Variants in RERG observed in about 807,000 individuals in gnomAD.
The protein encoded by RERG is ras-related and estrogen-regulated growth inhibitor.
RERG carries 25 observed loss-of-function variants against 23.2 expected under a neutral mutation model. That is an observed-to-expected ratio of 1.08 (90% CI 0.79 to 1.50). The LOEUF is 1.50. Ranked by LOEUF, RERG falls within the 40% of genes most tolerant of loss-of-function variation. The pLI is 0.00. For missense variants in RERG, 253 were observed against 250.1 expected (o/e 1.01, Z -0.08); for synonymous variants, 81 against 89.1 (o/e 0.91, Z 0.51).
chr12:15,204,614 T>C (rs1322925958), intron 2 of RERG, among the ~76,000 whole-genome samples: 1 of 151,788 alleles, frequency 6.6e-6, no homozygotes, highest in African/African-American at 2.4e-5. Context: ...CTTCTTACCA[T>C]AAAAATCCCA....
At chr12:15,132,975 C>A (rs934422896) in intron 2 of RERG, among the ~76,000 whole-genome samples, 2 of 148,860 alleles carry the variant, frequency 1.3e-5, no homozygotes, top group Admixed American at 1.3e-4. Context: ...CCTGCCCTCC[C>A]TGCCCCCGCC....
chr12:15,192,314 C>T (rs990885681), intron 2 of RERG, among the ~76,000 whole-genome samples: 11 of 152,086 alleles, frequency 7.2e-5, no homozygotes, highest in African/African-American at 2.4e-4. Context: ...GGTGCTGCTA[C>T]GATTCTTGTA....
chr12:15,209,683 T>C (rs1266295323), intron 2 of RERG, among the ~76,000 whole-genome samples: 1 of 152,236 alleles, frequency 6.6e-6, no homozygotes, highest in Non-Finnish European at 1.5e-5. Flanking sequence ...TGTGAATTTC[T>C]TATAAAAACA....
At chr12:15,125,553 T>C (rs1863922973) in intron 2 of RERG, among the ~76,000 whole-genome samples, 1 of 151,996 alleles carries the variant, frequency 6.6e-6, no homozygotes, top group Admixed American at 6.5e-5. Flanking sequence ...GGCAATGACA[T>C]ACATTACCAA....
intron 2 of RERG, among the ~76,000 whole-genome samples, chr12:15,197,851 C>T (rs537428722): frequency 3.3e-5 from 5 of 152,206 alleles, no homozygotes; most frequent in East Asian, 3.9e-4. Flanking sequence ...AGAAAAAGGA[C>T]GGGCTGGGCC....
intron 3 of RERG, among the ~76,000 whole-genome samples, chr12:15,111,822 C>T (rs1475893726): frequency 6.6e-6 from 1 of 151,726 alleles, no homozygotes; most frequent in Non-Finnish European, 1.5e-5. Flanking sequence ...ATTACAGGTG[C>T]CTTCCACAAC....
chr12:15,177,839 G>GTTT (rs11304470), intron 2 of RERG, among the ~76,000 whole-genome samples: 11,404 of 112,616 alleles, frequency 0.1, 538 homozygotes, highest in South Asian at 0.16. Flanking sequence ...CCCTCTGTTT[G>GTTT]TTTTTTTTTT....
intron 2 of RERG, among the ~76,000 whole-genome samples, chr12:15,158,184 C>A (rs1181836674): frequency 6.6e-6 from 1 of 152,104 alleles, no homozygotes; most frequent in Non-Finnish European, 1.5e-5. Flanking sequence ...TAGTTACTTT[C>A]CTCTCCTTGG....
At chr12:15,217,969 T>C (rs1241813065) in intron 1 of RERG, 1 of 154,126 alleles carries the variant, frequency 6.5e-6, no homozygotes, top group Non-Finnish European at 1.4e-5. Context: ...ACACATGCAG[T>C]GGGGCAATGG....
At chr12:15,162,097 G>C (rs972608799) in intron 2 of RERG, among the ~76,000 whole-genome samples, 1 of 152,150 alleles carries the variant, frequency 6.6e-6, no homozygotes, top group Non-Finnish European at 1.5e-5. Flanking sequence ...TGAAAAATGA[G>C]ACTACTGCCT....
chr12:15,219,794 T>C (rs1237466653), intron 1 of RERG, among the ~76,000 whole-genome samples: 1 of 152,190 alleles, frequency 6.6e-6, no homozygotes, highest in African/African-American at 2.4e-5. Context: ...AGTAATTATC[T>C]GTCTGATTAA....
chr12:15,198,838 C>A (rs1591667466), intron 2 of RERG, among the ~76,000 whole-genome samples: 1 of 152,194 alleles, frequency 6.6e-6, no homozygotes, highest in Admixed American at 6.5e-5. Flanking sequence ...CGACTTCAGC[C>A]TCTGACCTCA....
chr12:15,135,504 C>A (rs913422503), intron 2 of RERG, among the ~76,000 whole-genome samples: 1 of 152,148 alleles, frequency 6.6e-6, no homozygotes, highest in African/African-American at 2.4e-5. Context: ...AAAGCACTTG[C>A]TTTCTCACCA....
At position 15,109,174 on chromosome 12, in the gene RERG, C is replaced by T. The variant is rs746482571; in HGVS notation, c.536G>A (p.Arg179Gln). The T allele has an allele frequency of 3.4e-5, 54 of 1,610,534 alleles. No individual in the cohort carries two copies. Among genetic ancestry groups the T allele is most frequent in the Non-Finnish European group, 4.4e-5 (52 of 1,178,696 alleles). ...CTTGACATGCGTGGTGGAGCTGCGT[C>T]GCCTCGTCTTGCCCTGCACCATCCT... Reference protein sequence around the residue: ...RRRMVQGKTRRRSSTTHVKQA... With the variant: ...RRRMVQGKTRQRSSTTHVKQA... The change falls in exon 5 of 5, where the codon CGA becomes CAA. Residue 179 changes from arginine (R) to glutamine (Q), a missense_variant. Arg to Gln is a conservative substitution (Grantham distance 43). Transcript: ENST00000256953.
chr12:15,108,008 A>G lies in RERG; in HGVS notation c.*1102T>C, dbSNP rs1360112948. Reference sequence around the variant, plus strand: ...TAGGGGCATAATGGGGGAGAAAAGAATCATAAGGTTTTATCAGTTGTAGAC... The same window carrying G: ...TAGGGGCATAATGGGGGAGAAAAGAGTCATAAGGTTTTATCAGTTGTAGAC... On this transcript the variant is annotated 3_prime_UTR_variant, in exon 5 of 5. Coordinates refer to ENST00000256953, the MANE Select transcript of RERG (RefSeq NM_032918.3). The G allele has an allele frequency of 6.6e-6, 1 of 152,650 alleles. No homozygotes were observed. The highest frequency in any genetic ancestry group is 1.5e-5 in the Non-Finnish European group (1 of 68,016). 9.5% of individuals were successfully genotyped at this position (152,650 alleles called of 1,614,324 possible).
intron 2 of RERG, among the ~76,000 whole-genome samples, chr12:15,184,907 T>C (rs1239304344): frequency 6.6e-6 from 1 of 152,158 alleles, no homozygotes; most frequent in Non-Finnish European, 1.5e-5. Context: ...TCTATTTTCC[T>C]GTAATTTTAT....
At chr12:15,220,362 T>C (rs897734512) in intron 1 of RERG, among the ~76,000 whole-genome samples, 1 of 152,034 alleles carries the variant, frequency 6.6e-6, no homozygotes, top group Non-Finnish European at 1.5e-5. Flanking sequence ...TCCCTAAACA[T>C]AAATTAAAGG....
intron 2 of RERG, among the ~76,000 whole-genome samples, chr12:15,190,878 T>C (rs140092986): frequency 9.2e-5 from 14 of 152,256 alleles, no homozygotes; most frequent in East Asian, 3.9e-4. Context: ...CCAGTTGGGA[T>C]TGCAGCCTCT....
chr12:15,191,600 C>G (rs570815325), intron 2 of RERG, among the ~76,000 whole-genome samples: 2 of 152,138 alleles, frequency 1.3e-5, no homozygotes, highest in African/African-American at 4.8e-5. Flanking sequence ...CTCCAGCCTC[C>G]CCTTGAACTC....
Sources: allele counts gnomAD v4.1 joint callset (sites outside exome capture counted in the v4.1 genomes callset), GRCh38; gene constraint gnomAD v4.1.1; transcripts MANE v1.5; gene names NCBI Gene and HGNC (gene_info 2026-07-23, HGNC 2026-07-21).